GPR158: variants seen among roughly 807,000 people sequenced by gnomAD.
GPR158 encodes metabotropic glycine receptor.
In GPR158, 30 loss-of-function variants were observed where a neutral mutation model predicts 78.2. The ratio of observed to expected loss-of-function variants is 0.38; its 90% CI spans 0.29 to 0.52. The LOEUF (loss-of-function observed/expected upper bound fraction) is 0.52. GPR158 is among the 20% of genes least tolerant of loss of function. The pLI, the probability that GPR158 is intolerant of heterozygous loss-of-function variation, is 0.83. For missense variants in GPR158, 1,463 were observed against 1,523.5 expected, an observed-to-expected ratio of 0.96 and a Z score of 0.66; for synonymous variants, 581 against 591.1, an observed-to-expected ratio of 0.98 and a Z score of 0.25.
intron 5 of GPR158, among the ~76,000 whole-genome samples, chr10:25,492,899 T>C (rs1027241077): frequency 1.3e-5 from 2 of 148,492 alleles, no homozygotes; most frequent in African/African-American, 4.9e-5. Flanking sequence ...AATATTAATA[T>C]ATTAATATAT....
At chr10:25,221,263 A>C (rs1320776617) in intron 2 of GPR158, 106 bp downstream of exon 2, 1 of 622,456 alleles carries the variant, frequency 1.6e-6, no homozygotes, top group Non-Finnish European at 2.8e-6. Context: ...TGGGAAGAAA[A>C]TCTATGTAGG....
At chr10:25,346,264 A>G (rs1211759482) in intron 2 of GPR158, among the ~76,000 whole-genome samples, 1 of 151,872 alleles carries the variant, frequency 6.6e-6, no homozygotes, top group Non-Finnish European at 1.5e-5. Context: ...TGGGAAGACA[A>G]AACAACTGGG....
chr10:25,200,262 T>A (rs113477718), intron 1 of GPR158, among the ~76,000 whole-genome samples: 4,797 of 152,250 alleles, frequency 0.032, 275 homozygotes, highest in African/African-American at 0.11. Context: ...CTCTAATGAT[T>A]AGCGATGTTG....
chr10:25,222,929 C>T (rs2807233), intron 2 of GPR158, among the ~76,000 whole-genome samples: 20,219 of 152,070 alleles, frequency 0.13, 1,623 homozygotes, highest in East Asian at 0.3. Flanking sequence ...GTTTTGTGTC[C>T]TTACAGCGCA....
intron 2 of GPR158, among the ~76,000 whole-genome samples, chr10:25,226,503 T>C (rs1229873349): frequency 6.6e-6 from 1 of 152,214 alleles, no homozygotes; most frequent in Non-Finnish European, 1.5e-5. Context: ...ATTAGTGCAA[T>C]TGAAACTAAG....
chr10:25,553,705 G>C (rs1836753903), intron 6 of GPR158, among the ~76,000 whole-genome samples: 1 of 152,124 alleles, frequency 6.6e-6, no homozygotes, highest in Non-Finnish European at 1.5e-5. Context: ...GGTTTGGCTG[G>C]TGTCTCCTAG....
chr10:25,244,068 C>A (rs760509497), intron 2 of GPR158: 3 of 152,014 alleles, frequency 2.0e-5, no homozygotes, highest in Non-Finnish European at 2.9e-5. Flanking sequence ...TTTAGCCTTG[C>A]CTCATCCACT....
intron 2 of GPR158, among the ~76,000 whole-genome samples, chr10:25,318,719 G>A (rs1159913348): frequency 6.6e-6 from 1 of 152,030 alleles, no homozygotes; most frequent in Non-Finnish European, 1.5e-5. Context: ...TTGTTCGTAT[G>A]ATCACCATTA....
intron 7 of GPR158, among the ~76,000 whole-genome samples, chr10:25,585,714 C>T (rs1321460111): frequency 6.6e-6 from 1 of 152,190 alleles, no homozygotes; most frequent in Non-Finnish European, 1.5e-5. Flanking sequence ...AGTGGTGGCT[C>T]ACGCCTGTAA....
rs895651111 is a variant in GPR158, at chr10:25,418,671, A to C, written c.1335+6198A>C. ...GAGTATGGTTCCTTACAGCTTAATAATGTCAAGTGTTAGTATAATTTATTT... is the reference window on the plus strand; with the variant it reads ...GAGTATGGTTCCTTACAGCTTAATACTGTCAAGTGTTAGTATAATTTATTT... On this transcript the variant is annotated intron_variant, in intron 4 of 10. Coordinates refer to ENST00000376351, the MANE Select transcript of GPR158 (RefSeq NM_020752.3). 8.0e-5 allele frequency among the ~76,000 whole-genome samples: 12 copies of C among 149,640 alleles called. No homozygotes were observed. The Admixed American group carries it at 8.1e-4, about 10-fold the overall frequency.
intron 2 of GPR158, among the ~76,000 whole-genome samples, chr10:25,369,870 T>A (rs1326359762): frequency 1.3e-5 from 2 of 152,132 alleles, no homozygotes; most frequent in African/African-American, 4.8e-5. Flanking sequence ...TATTCAGGAT[T>A]CAACTTCTTC....
intron 2 of GPR158, among the ~76,000 whole-genome samples, chr10:25,296,668 A>G (rs139444829): frequency 6.6e-6 from 1 of 151,806 alleles, no homozygotes; most frequent in Non-Finnish European, 1.5e-5. Flanking sequence ...TGTTTACAAC[A>G]TGCCAGATGT....
At chr10:25,229,034 CAAA>C (rs767651286) in intron 2 of GPR158, among the ~76,000 whole-genome samples, 14 of 88,690 alleles carry the variant, frequency 1.6e-4, no homozygotes, top group Admixed American at 3.6e-4. Flanking sequence ...GACTCAATGT[CAAA>C]AAAAAAAAAA....
At chr10:25,366,238 G>A (rs1264544908) in intron 2 of GPR158, among the ~76,000 whole-genome samples, 2 of 151,350 alleles carry the variant, frequency 1.3e-5, no homozygotes, top group African/African-American at 2.4e-5. Flanking sequence ...TCTTTCAGTT[G>A]GGTACATACC....
At chr10:25,484,729 A>C (rs551809373) in intron 5 of GPR158, among the ~76,000 whole-genome samples, 1 of 152,278 alleles carries the variant, frequency 6.6e-6, no homozygotes, top group African/African-American at 2.4e-5. Flanking sequence ...GTCTTTGCTC[A>C]TGGGCAAAAC....
intron 1 of GPR158, among the ~76,000 whole-genome samples, chr10:25,204,818 G>GTTTTTTTTTTTTTTT (rs1159106958): frequency 8.4e-6 from 1 of 118,968 alleles, no homozygotes; most frequent in African/African-American, 3.4e-5. Context: ...GTCTCTGAGG[G>GTTTTTTTTTTTTTTT]TTTTTTTTTT....
chr10:25,357,288 C>T (rs1300701103), intron 2 of GPR158, among the ~76,000 whole-genome samples: 2 of 152,058 alleles, frequency 1.3e-5, no homozygotes, highest in Non-Finnish European at 2.9e-5. Flanking sequence ...AAAAGAAAAT[C>T]CATTTTCTGA....
At chr10:25,586,744 AC>A (rs1483623956) in intron 7 of GPR158, among the ~76,000 whole-genome samples, 8 of 152,106 alleles carry the variant, frequency 5.3e-5, no homozygotes, top group African/African-American at 1.9e-4. Flanking sequence ...TGGAGATGTG[AC>A]TGGGTTAACC....
intron 5 of GPR158, among the ~76,000 whole-genome samples, chr10:25,477,212 C>T (rs2130631362): frequency 6.6e-6 from 1 of 152,088 alleles, no homozygotes; most frequent in East Asian, 1.9e-4. Context: ...ATGATTACAG[C>T]TTAAAGGAAG....
Sources: gnomAD v4.1 joint callset for allele counts (sites outside exome capture counted in the v4.1 genomes callset) on GRCh38, gnomAD v4.1.1 for gene constraint, MANE v1.5 for transcripts, NCBI Gene and HGNC (gene_info 2026-07-23, HGNC 2026-07-21) for gene names.